The following FBXW10B variants were observed in gnomAD, a reference collection of about 807,000 sequenced individuals.
The protein encoded by FBXW10B is F-box and WD repeat domain containing 10B, also known as F-box and WD repeat domain containing protein 10B.
chr17:15,607,048 G>A, the FBXW10B span, among the ~76,000 whole-genome samples: 2 of 151,722 alleles, frequency 1.3e-5, no homozygotes, highest in Admixed American at 6.6e-5. Flanking sequence ...TTTACCATGG[G>A]AAGATATCTA....
the FBXW10B span, among the ~76,000 whole-genome samples, chr17:15,568,567 G>T: frequency 1.3e-5 from 2 of 151,412 alleles, no homozygotes; most frequent in Non-Finnish European, 2.9e-5. Context: ...CTAGTTTGGT[G>T]GTCCTTAATC....
At chr17:15,594,893 G>T in the FBXW10B span, 1 of 1,608,550 alleles carries the variant, frequency 6.2e-7, no homozygotes, top group Non-Finnish European at 8.5e-7. Flanking sequence ...CTGAGAGTCT[G>T]CAAGAAAAGA....
chr17:15,608,922 C>A, the FBXW10B span, among the ~76,000 whole-genome samples: 2 of 152,126 alleles, frequency 1.3e-5, no homozygotes, highest in African/African-American at 4.8e-5. Flanking sequence ...GGGGCGCTTT[C>A]ATTTGCTTCC....
chr17:15,597,349 C>T, the FBXW10B span, among the ~76,000 whole-genome samples: 5 of 150,594 alleles, frequency 3.3e-5, no homozygotes, highest in Admixed American at 6.6e-5. Context: ...AAGTTGATGC[C>T]GGGCCCAGTG....
At chr17:15,618,126 G>A in the FBXW10B span, among the ~76,000 whole-genome samples, 3 of 152,142 alleles carry the variant, frequency 2.0e-5, no homozygotes, top group Admixed American at 1.3e-4. Flanking sequence ...TCAGGAGTCC[G>A]AGACCAGCCT....
chr17:15,617,176 T>C, the FBXW10B span, among the ~76,000 whole-genome samples: 5 of 152,200 alleles, frequency 3.3e-5, no homozygotes, highest in African/African-American at 4.8e-5. Flanking sequence ...CATTCTATAT[T>C]ATCATTCTTC....
the FBXW10B span, chr17:15,595,012 G>A: frequency 8.5e-6 from 12 of 1,415,276 alleles, no homozygotes; most frequent in South Asian, 2.7e-5. Flanking sequence ...CCATTCACTC[G>A]GTAGGTACCT....
At chr17:15,573,039 T>G in the FBXW10B span, 13,440 of 150,882 alleles carry the variant, frequency 0.089, 764 homozygotes, top group Non-Finnish European at 0.12. Context: ...GTGAAGTTCT[T>G]CTGTTACTCA....
the FBXW10B span, among the ~76,000 whole-genome samples, chr17:15,598,185 T>G: frequency 3.3e-4 from 51 of 152,266 alleles, no homozygotes; most frequent in African/African-American, 1.1e-3. Flanking sequence ...CATGGACTTA[T>G]TATATTCCCC....
the FBXW10B span, chr17:15,589,393 A>C: frequency 1.5e-5 from 5 of 340,854 alleles, no homozygotes; most frequent in Non-Finnish European, 2.1e-5. Flanking sequence ...TGAAAATCAC[A>C]AACGAAGCTA....
At chr17:15,593,150 A>G in the FBXW10B span, 4 of 267,604 alleles carry the variant, frequency 1.5e-5, no homozygotes, top group Non-Finnish European at 2.3e-5. Flanking sequence ...CCTGATTACT[A>G]AGTTTTGTGC....
chr17:15,612,835 A>G, the FBXW10B span: 4 of 1,604,240 alleles, frequency 2.5e-6, no homozygotes, highest in Non-Finnish European at 3.4e-6. Flanking sequence ...TGGAAAAACA[A>G]AAAAAAACCA....
At chr17:15,600,810 T>G in the FBXW10B span, among the ~76,000 whole-genome samples, 2 of 151,412 alleles carry the variant, frequency 1.3e-5, no homozygotes, top group East Asian at 2.0e-4. Context: ...AGCACTTTGG[T>G]AGGCCGAGGT....
At chr17:15,602,818 G>A in the FBXW10B span, among the ~76,000 whole-genome samples, 7 of 121,668 alleles carry the variant, frequency 5.8e-5, no homozygotes, top group Middle Eastern at 3.8e-3. Flanking sequence ...CAGTAGAGAC[G>A]GGGTTTCACC....
the FBXW10B span, chr17:15,615,522 C>T: frequency 6.8e-7 from 1 of 1,470,320 alleles, no homozygotes; most frequent in Non-Finnish European, 9.1e-7. Context: ...ACCATGTTAG[C>T]CAGGATGGTC....
chr17:15,581,179 AC>A, the FBXW10B span, among the ~76,000 whole-genome samples: 1 of 152,220 alleles, frequency 6.6e-6, no homozygotes, highest in African/African-American at 2.4e-5. Context: ...TAACTAGTTA[AC>A]TTCAGAGTCA....
At chr17:15,617,772 A>G in the FBXW10B span, among the ~76,000 whole-genome samples, 1 of 152,188 alleles carries the variant, frequency 6.6e-6, no homozygotes, top group South Asian at 2.1e-4. Flanking sequence ...CACCAGAAAG[A>G]GATGCTGGTG....
the FBXW10B span, chr17:15,571,944 C>G: frequency 4.1e-4 from 58 of 141,010 alleles, no homozygotes; most frequent in East Asian, 9.5e-3. Flanking sequence ...GAAGTAAGAT[C>G]AGTGGTTACT....
the FBXW10B span, among the ~76,000 whole-genome samples, chr17:15,583,780 T>A: frequency 6.6e-6 from 1 of 152,178 alleles, no homozygotes; most frequent in African/African-American, 2.4e-5. Flanking sequence ...TGTTTCCAAG[T>A]TATTTTACTT....
Sources: allele counts gnomAD v4.1 joint callset (sites outside exome capture counted in the v4.1 genomes callset), GRCh38; gene constraint gnomAD v4.1.1; transcripts MANE v1.5; gene names NCBI Gene and HGNC (gene_info 2026-07-23, HGNC 2026-07-21).